Variants in MAML3 observed in about 807,000 individuals in gnomAD.
The protein encoded by MAML3 is mastermind like transcriptional coactivator 3.
In MAML3, 27 loss-of-function variants were observed where a neutral mutation model predicts 101.9. The observed-to-expected ratio is 0.27, with a 90% CI of 0.20 to 0.37. MAML3 has a LOEUF of 0.37. Ranked by LOEUF, MAML3 falls within the 10% of genes least tolerant of loss-of-function variation. The pLI is 1.00. For synonymous variants in MAML3, 501 were observed against 555.9 expected, an observed-to-expected ratio of 0.90 and a Z score of 1.39; for missense variants, 1,316 against 1,444.9, an observed-to-expected ratio of 0.91 and a Z score of 1.45.
At chr4:139,933,496 C>A (rs1015924363) in intron 1 of MAML3, among the ~76,000 whole-genome samples, 2 of 152,184 alleles carry the variant, frequency 1.3e-5, no homozygotes, top group African/African-American at 4.8e-5. Context: ...GGAAAAGCCT[C>A]CTTCTCATGC....
intron 2 of MAML3, among the ~76,000 whole-genome samples, chr4:139,852,408 T>G (rs1171024187): frequency 8.1e-6 from 1 of 123,798 alleles, no homozygotes; most frequent in African/African-American, 3.8e-5. Flanking sequence ...AGACTGTTTT[T>G]TTTTTTTTTT....
chr4:139,856,219 G>A (rs1731659791), intron 2 of MAML3, among the ~76,000 whole-genome samples: 1 of 152,254 alleles, frequency 6.6e-6, no homozygotes, highest in Admixed American at 6.5e-5. Context: ...CACTGGAAAT[G>A]AGGATCTTAT....
At position 139,909,912 on chromosome 4, in the gene MAML3, A is replaced by G. The variant is rs17051004; in HGVS notation, c.469-18945T>C. Among the ~76,000 whole-genome samples, 114 of 151,940 alleles carry G rather than the reference A, an allele frequency of 7.5e-4. 1 individual carries two copies. Among genetic ancestry groups the G allele is most frequent in the African/African-American group, 2.7e-3 (110 of 41,504 alleles). On this transcript the variant is annotated intron_variant, in intron 1 of 4. Transcript: ENST00000509479. ...CCATACACATGAGTCTGCCTGAACA[A>G]TATATAAGCACAGAAGTTCCCTAAG... is the stretch of plus-strand genomic sequence containing the variant.
At chr4:139,886,505 A>C (rs1209472955) in intron 2 of MAML3, among the ~76,000 whole-genome samples, 2 of 152,182 alleles carry the variant, frequency 1.3e-5, no homozygotes, top group African/African-American at 4.8e-5. Context: ...TCCTAAAATA[A>C]CATTTTAGTT....
At chr4:140,114,249 T>A (rs1256892501) in intron 1 of MAML3, among the ~76,000 whole-genome samples, 1 of 152,214 alleles carries the variant, frequency 6.6e-6, no homozygotes, top group Non-Finnish European at 1.5e-5. Flanking sequence ...ATAGCTCTTA[T>A]CACATCACGC....
At chr4:140,149,225 A>C (rs1419504121) in intron 1 of MAML3, among the ~76,000 whole-genome samples, 1 of 152,192 alleles carries the variant, frequency 6.6e-6, no homozygotes, top group Non-Finnish European at 1.5e-5. Flanking sequence ...GGGAAGAAAA[A>C]AACTATGTCA....
intron 1 of MAML3, among the ~76,000 whole-genome samples, chr4:140,138,781 C>G (rs1728937571): frequency 6.6e-6 from 1 of 152,174 alleles, no homozygotes; most frequent in South Asian, 2.1e-4. Context: ...TTTGCCCCAG[C>G]TGGGGACTCT....
chr4:139,826,752 G>A (rs1049417712), intron 2 of MAML3, among the ~76,000 whole-genome samples: 1 of 152,156 alleles, frequency 6.6e-6, no homozygotes, highest in African/African-American at 2.4e-5. Context: ...GCTCTTTTGT[G>A]TTAGCAAAAC....
At chr4:139,744,029 C>G (rs1729241437) in intron 2 of MAML3, among the ~76,000 whole-genome samples, 2 of 152,190 alleles carry the variant, frequency 1.3e-5, no homozygotes, top group South Asian at 4.1e-4. Flanking sequence ...CCCAGTCACT[C>G]TTAGTACCTC....
At position 139,890,342 on chromosome 4, in the gene MAML3, G is replaced by A; in HGVS notation, c.1094C>T (p.Pro365Leu). 1.2e-6 allele frequency: 2 copies of A among 1,607,950 alleles called. No homozygotes were observed. Among genetic ancestry groups the A allele is most frequent in the Non-Finnish European group, 1.7e-6 (2 of 1,176,062 alleles). The change falls in exon 2 of 5, where the codon CCC becomes CTC. Residue 365 changes from proline (P) to leucine (L), a missense_variant. Pro to Leu is a moderately conservative substitution (Grantham distance 98, BLOSUM62 -3). Coordinates refer to ENST00000509479, the MANE Select transcript of MAML3 (RefSeq NM_018717.5). This position sits in a 1 kb window ranked among gnomAD's most constrained non-coding sequence, Gnocchi z 4.1. ...ASVKSDPSHS[P>L]FAHVSMGSPQ... ...AGATCCCATGGAGACATGTGCGAAG[G>A]GAGAGTGAGAGGGGTCGCTCTTCAC...
intron 2 of MAML3, among the ~76,000 whole-genome samples, chr4:139,806,820 C>G (rs1730708410): frequency 6.6e-6 from 1 of 152,046 alleles, no homozygotes; most frequent in South Asian, 2.1e-4. Flanking sequence ...AAGTAGGATA[C>G]AAAACCAAAT....
intron 2 of MAML3, chr4:139,888,641 A>G (rs1560825451): frequency 1.9e-6 from 1 of 518,944 alleles, no homozygotes; most frequent in East Asian, 5.4e-5. Context: ...ACCTCCCATG[A>G]AGGAGGACAG....
intron 1 of MAML3, among the ~76,000 whole-genome samples, chr4:140,007,520 T>C (rs1350213174): frequency 6.6e-6 from 1 of 152,260 alleles, no homozygotes; most frequent in East Asian, 1.9e-4. Flanking sequence ...GGGGAGGGAA[T>C]GCCTCAGAGA....
chr4:139,923,550 C>T (rs954038864), intron 1 of MAML3, among the ~76,000 whole-genome samples: 2 of 151,920 alleles, frequency 1.3e-5, no homozygotes, highest in African/African-American at 2.4e-5. Flanking sequence ...ATGCCTTGCT[C>T]GTCTTGTATA....
intron 1 of MAML3, among the ~76,000 whole-genome samples, chr4:139,986,217 G>A (rs1252913551): frequency 6.6e-6 from 1 of 152,174 alleles, no homozygotes; most frequent in East Asian, 1.9e-4. Context: ...GCTGTCACAC[G>A]TAGTAGTCAT....
intron 1 of MAML3, among the ~76,000 whole-genome samples, chr4:139,999,385 G>A (rs1734879845): frequency 6.6e-6 from 1 of 152,188 alleles, no homozygotes; most frequent in Admixed American, 6.5e-5. Context: ...CAACTGAACT[G>A]CATTAGGGAT....
At chr4:139,989,868 CACACACACACACACAGAG>C (rs1476961998) in intron 1 of MAML3, among the ~76,000 whole-genome samples, 23 of 89,342 alleles carry the variant, frequency 2.6e-4, no homozygotes, top group Non-Finnish European at 2.2e-5. Flanking sequence ...CACACACACA[CACACACACACACACAGAG>C]AGAGAGAGAG....
chr4:139,864,662 G>T (rs6843056), intron 2 of MAML3, among the ~76,000 whole-genome samples: 1 of 129,722 alleles, frequency 7.7e-6, no homozygotes, highest in South Asian at 2.5e-4. Context: ...GCGACAGAGC[G>T]AGGCTCCGTC....
intron 1 of MAML3, among the ~76,000 whole-genome samples, chr4:140,087,056 C>T (rs1004869356): frequency 7.2e-5 from 11 of 152,076 alleles, no homozygotes; most frequent in African/African-American, 2.7e-4. Flanking sequence ...GATACTAGGG[C>T]GGCTGAGGCA....
Sources: allele counts gnomAD v4.1 joint callset (sites outside exome capture counted in the v4.1 genomes callset), GRCh38; gene constraint gnomAD v4.1.1; non-coding constraint Gnocchi (gnomAD v3.1); transcripts MANE v1.5; gene names NCBI Gene and HGNC (gene_info 2026-07-23, HGNC 2026-07-21).